Variants in F11R observed in about 807,000 individuals in gnomAD.
F11R encodes junctional adhesion molecule A.
In F11R, 27 loss-of-function variants were observed where a neutral mutation model predicts 39.3. That is an observed-to-expected ratio of 0.69 (90% CI 0.51 to 0.95). F11R has a LOEUF of 0.95. Ranked by LOEUF, F11R falls within the 40% of genes least tolerant of loss-of-function variation. The pLI, the probability that F11R is intolerant of heterozygous loss-of-function variation, is 0.00. For synonymous variants in F11R, 131 were observed against 144.9 expected (o/e 0.90, Z 0.69); for missense variants, 335 against 372.7 (o/e 0.90, Z 0.83).
At chr1:160,999,455 A>T (rs778403315) in intron 7 of F11R, 47 bp from the exon 8 acceptor site, 1 of 1,614,084 alleles carries the variant, frequency 6.2e-7, no homozygotes, top group Non-Finnish European at 8.5e-7. Flanking sequence ...GACAGAAGAC[A>T]GCATGGCTTG....
In F11R at chr1:160,997,019, AG is replaced by A. The variant is rs1405209524; in HGVS notation, c.*1851del. 6.6e-6 allele frequency: 1 copy of A among 152,364 alleles called. No individual in the cohort carries two copies. The highest frequency in any genetic ancestry group is 2.4e-5 in the African/African-American group (1 of 41,456). The allele number at this position is 152,364 out of a possible 1,614,324, so 9.4% of individuals were successfully genotyped here. ...CGCACTTAGTATATCCTCCACAGAA[AG>A]AAAGAAGCAAAATCAAGCCAAGAGG... On this transcript the variant is annotated 3_prime_UTR_variant, in exon 10 of 10. Coordinates refer to ENST00000368026, the MANE Select transcript of F11R (RefSeq NM_016946.6).
At chr1:161,005,013 C>T (rs1269550038) in intron 1 of F11R, among the ~76,000 whole-genome samples, 1 of 151,162 alleles carries the variant, frequency 6.6e-6, no homozygotes, top group Non-Finnish European at 1.5e-5. Flanking sequence ...GTACAAAAAC[C>T]AGCCAGGGGT....
Position 161,000,683 on chromosome 1 carries a change from A to G in F11R, c.336T>C (p.Ser112=). 3 of 1,614,174 alleles carry G rather than the reference A, an allele frequency of 1.9e-6. No homozygotes were observed. The highest frequency in any genetic ancestry group is 8.5e-7 in the Non-Finnish European group (1 of 1,180,024). Residue 112 remains serine (S), a synonymous_variant, in exon 4 of 10, where the codon TCT becomes TCC. Transcript: ENST00000368026. The part of the protein sequence containing the change: ...EDTGTYTCMV[S]EEGGNSYGEV... ...CCCCATAGCTGTTGCCGCCTTCCTCAGAGACCATACAAGTGTATGTCCCAG... is the reference window on the plus strand; with the variant it reads ...CCCCATAGCTGTTGCCGCCTTCCTCGGAGACCATACAAGTGTATGTCCCAG...
At chr1:161,008,827 C>T (rs746900813) in intron 1 of F11R, among the ~76,000 whole-genome samples, 4 of 152,206 alleles carry the variant, frequency 2.6e-5, no homozygotes, top group Non-Finnish European at 5.9e-5. Flanking sequence ...CTGATACCTC[C>T]TTTAAGCTTT....
chr1:160,999,916 A>T lies in F11R; in HGVS notation c.654T>A (p.Tyr218Ter). Residue 218 changes from tyrosine to a stop codon, truncating the protein, a stop_gained, in exon 6 of 10, where the codon TAT becomes TAA. Transcript: ENST00000368026. LOFTEE classifies it high-confidence loss of function. Reference sequence around the variant, plus strand: ...CAGCATTTGAAGTCATGGGTGTCCCATACCCATTCCGTGCCTCACAGCTGT... The same window carrying T: ...CAGCATTTGAAGTCATGGGTGTCCCTTACCCATTCCGTGCCTCACAGCTGT... ...GEYSCEARNG[Y>*]GTPMTSNAVR... is the part of the protein sequence containing the mutation. 1 of 1,614,192 alleles carries T rather than the reference A, an allele frequency of 6.2e-7. No individual in the cohort carries two copies.
chr1:161,006,458 T>C (rs1230605516), intron 1 of F11R, among the ~76,000 whole-genome samples: 2 of 152,218 alleles, frequency 1.3e-5, no homozygotes, highest in Non-Finnish European at 2.9e-5. Context: ...GTGAATTTGA[T>C]GGTTGTTCCT....
At chr1:161,010,074 CTA>C (rs1239177112) in intron 1 of F11R, among the ~76,000 whole-genome samples, 1 of 150,354 alleles carries the variant, frequency 6.7e-6, no homozygotes, top group East Asian at 2.0e-4. Flanking sequence ...AAAAAAAAAC[CTA>C]TGAGACAAGT....
In F11R at chr1:161,000,216, G is replaced by A. The variant is rs774009584; in HGVS notation, c.521C>T (p.Pro174Leu). 6.2e-6 allele frequency: 10 copies of A among 1,613,976 alleles called. No homozygotes were observed. Among genetic ancestry groups the A allele is most frequent in the Non-Finnish European group, 8.5e-6 (10 of 1,180,028 alleles). Reference sequence around the variant, plus strand: ...GGCACGGGTGCTTTTGGGATTCGTAGGCATCACTATCCCATCTTTGAACCA... The same window carrying A: ...GGCACGGGTGCTTTTGGGATTCGTAAGCATCACTATCCCATCTTTGAACCA... ...YTWFKDGIVM[P>L]TNPKSTRAFS... The change falls in exon 5 of 10, where the codon CCT becomes CTT. Residue 174 changes from proline (P) to leucine (L), a missense_variant. Pro to Leu is a moderately conservative substitution (Grantham distance 98, BLOSUM62 -3). Coordinates refer to ENST00000368026, the MANE Select transcript of F11R (RefSeq NM_016946.6).
rs368829714 is a variant in F11R, at chr1:161,014,233, GA to G, written c.64+6776del. Among the ~76,000 whole-genome samples, 98 of 152,308 alleles carry G rather than the reference GA, an allele frequency of 6.4e-4. 1 individual carries two copies. The East Asian group carries it at 0.016, about 24-fold the overall frequency. ...CCAGGGTCTCTAGTCAAACCTAACAGATGTGATAAACAAGTCTCATTATTAT... is the reference window on the plus strand; with the variant it reads ...CCAGGGTCTCTAGTCAAACCTAACAGTGTGATAAACAAGTCTCATTATTAT... On this transcript the variant is annotated intron_variant, in intron 1 of 9. Coordinates refer to ENST00000368026, the MANE Select transcript of F11R (RefSeq NM_016946.6).
At chr1:161,008,804 TA>T (rs1420331558) in intron 1 of F11R, among the ~76,000 whole-genome samples, 2 of 152,208 alleles carry the variant, frequency 1.3e-5, no homozygotes, top group Admixed American at 1.3e-4. Flanking sequence ...ACAGCCTTCC[TA>T]AAAATGCAAA....
In F11R at chr1:160,996,109, CA is replaced by C. The variant is rs1190207527; in HGVS notation, c.*2761del. 1 of 152,322 alleles carries C rather than the reference CA, an allele frequency of 6.6e-6. No homozygotes were observed. Among genetic ancestry groups the C allele is most frequent in the African/African-American group, 2.4e-5 (1 of 41,450 alleles). 9.4% of individuals were successfully genotyped at this position (152,322 alleles called of 1,614,324 possible). On this transcript the variant is annotated 3_prime_UTR_variant, in exon 10 of 10. Transcript: ENST00000368026. ...AAAGATATCCTAATCTCTTAATTAA[CA>C]AGACTATCAGGAATATTTTGAATGT...
Position 161,000,553 on chromosome 1 carries a change from AAGAGCTCCAAAGTGC to A in F11R, c.388+63_388+77del. 1.9e-6 allele frequency: 3 copies of A among 1,587,274 alleles called. No homozygotes were observed. The South Asian group carries it at 3.4e-5, about 18-fold the overall frequency. ...CCACCTGTGGGTATTCTCACCATCA[AAGAGCTCCAAAGTGC>A]AGCAGAGCCTGCTATGAGAAGTAAC... is the stretch of plus-strand genomic sequence containing the variant. On this transcript the variant is annotated intron_variant, in intron 4 of 9. Coordinates refer to ENST00000368026, the MANE Select transcript of F11R (RefSeq NM_016946.6).
At position 160,998,802 on chromosome 1, in the gene F11R, A is replaced by G. The variant is rs1430315770; in HGVS notation, c.*69T>C. The stretch of plus-strand genomic sequence containing the variant: ...TAAGGCATCCTGTGAAACTACAGAC[A>G]TCAGGGGCCAGAGTCCGGTAGCACC... On this transcript the variant is annotated 3_prime_UTR_variant, in exon 10 of 10. Transcript: ENST00000368026. 1.3e-6 allele frequency: 2 copies of G among 1,491,330 alleles called. No individual in the cohort carries two copies. The highest frequency in any genetic ancestry group is 9.4e-7 in the Non-Finnish European group (1 of 1,068,708). 92.4% of individuals were successfully genotyped at this position (1,491,330 alleles called of 1,614,324 possible).
intron 1 of F11R, among the ~76,000 whole-genome samples, chr1:161,010,598 CA>C (rs927048589): frequency 6.6e-6 from 1 of 152,090 alleles, no homozygotes; most frequent in African/African-American, 2.4e-5. Context: ...AGATCCTGTT[CA>C]AATGTCTATT....
chr1:160,999,474 G>A, intron 7 of F11R, 66 bp from the exon 8 acceptor site: 1 of 1,609,048 alleles, frequency 6.2e-7, no homozygotes, highest in Non-Finnish European at 8.5e-7. Flanking sequence ...TGGGAAGATG[G>A]AGGGGCAGGC....
At chr1:161,005,021 G>T (rs1489488179) in intron 1 of F11R, among the ~76,000 whole-genome samples, 2 of 151,402 alleles carry the variant, frequency 1.3e-5, no homozygotes, top group African/African-American at 4.9e-5. Flanking sequence ...ACCAGCCAGG[G>T]GTGGTGGCAC....
In F11R at chr1:160,998,454, G is replaced by GT. The variant is rs1648254641; in HGVS notation, c.*416_*417insA. 7.7e-6 allele frequency: 2 copies of GT among 260,902 alleles called. No individual in the cohort carries two copies. The highest frequency in any genetic ancestry group is 1.0e-4 in the Admixed American group (2 of 20,066). The allele number at this position is 260,902 out of a possible 1,614,324, so 16.2% of individuals were successfully genotyped here. A position where few individuals can be genotyped will look rare whatever the true frequency, so the allele number is the denominator to read the frequency against. ...TTCCCGCTCTAGAACAGCTGGCCCTGGTCGTCAGTACACAAGGAAAGAGCC... is the reference window on the plus strand; with the variant it reads ...TTCCCGCTCTAGAACAGCTGGCCCTGTGTCGTCAGTACACAAGGAAAGAGCC... On this transcript the variant is annotated 3_prime_UTR_variant, in exon 10 of 10. Coordinates refer to ENST00000368026, the MANE Select transcript of F11R (RefSeq NM_016946.6).
intron 1 of F11R, among the ~76,000 whole-genome samples, chr1:161,007,024 A>G (rs1372028016): frequency 6.6e-6 from 1 of 152,116 alleles, no homozygotes; most frequent in African/African-American, 2.4e-5. Context: ...TATAAAAATT[A>G]GCCGGGTGTG....
chr1:161,003,890 T>C (rs371424930), intron 1 of F11R, among the ~76,000 whole-genome samples: 1 of 151,496 alleles, frequency 6.6e-6, no homozygotes, highest in Non-Finnish European at 1.5e-5. Context: ...TCGGCCTCCC[T>C]AGTAGCTAGG....
Sources: allele counts gnomAD v4.1 joint callset (sites outside exome capture counted in the v4.1 genomes callset), GRCh38; gene constraint gnomAD v4.1.1; transcripts MANE v1.5; gene names NCBI Gene and HGNC (gene_info 2026-07-23, HGNC 2026-07-21).